NCOA1: variants seen among roughly 807,000 people sequenced by gnomAD.
NCOA1 encodes the protein Hin-2 protein.
NCOA1 carries 35 observed loss-of-function variants against 150.9 expected under a neutral mutation model. That is an observed-to-expected ratio of 0.23 (90% confidence interval 0.18 to 0.31). The LOEUF (loss-of-function observed/expected upper bound fraction) is 0.31, where lower values mean the gene tolerates loss of function less well. NCOA1 is among the 10% of genes least tolerant of loss of function. The pLI is 1.00. For missense variants in NCOA1, 1,491 were observed against 1,749.3 expected (o/e 0.85, Z 2.63); for synonymous variants, 590 against 630.0 (o/e 0.94, Z 0.95).
chr2:24,580,277 GT>G (rs1188286096), intron 2 of NCOA1, among the ~76,000 whole-genome samples: 1 of 152,134 alleles, frequency 6.6e-6, no homozygotes, highest in East Asian at 1.9e-4. Context: ...AAATTTATGT[GT>G]TTTGCCAAAC....
chr2:24,524,335 G>A (rs1042179438), intron 1 of NCOA1, among the ~76,000 whole-genome samples: 97 of 151,878 alleles, frequency 6.4e-4, no homozygotes, highest in African/African-American at 2.1e-3. Context: ...GCACTCTGTC[G>A]CCCAGGCTGG....
chr2:24,571,969 G>C (rs996135448), intron 2 of NCOA1, among the ~76,000 whole-genome samples: 1 of 152,024 alleles, frequency 6.6e-6, no homozygotes, highest in Non-Finnish European at 1.5e-5. Flanking sequence ...GTGATACTTA[G>C]ATAAAATTAC....
At chr2:24,619,107 C>T (rs1669005129) in intron 3 of NCOA1, among the ~76,000 whole-genome samples, 1 of 152,172 alleles carries the variant, frequency 6.6e-6, no homozygotes, top group Non-Finnish European at 1.5e-5. Flanking sequence ...CAACAATTAA[C>T]AGGACGTTTC....
At chr2:24,732,834 CTG>C (rs1295458348) in intron 17 of NCOA1, among the ~76,000 whole-genome samples, 1 of 151,782 alleles carries the variant, frequency 6.6e-6, no homozygotes, top group Middle Eastern at 3.2e-3. Flanking sequence ...AGAAAAGGGA[CTG>C]TTTCTTTCCT....
Position 24,705,195 on chromosome 2 carries a change from C to T in NCOA1, c.1059C>T (p.Asp353=). 1 of 1,613,990 alleles carries T rather than the reference C, an allele frequency of 6.2e-7. No homozygotes were observed. Residue 353 remains aspartate, a synonymous_variant, in exon 12 of 23, where the codon GAC becomes GAT. Coordinates refer to ENST00000348332, the MANE Select transcript of NCOA1 (RefSeq NM_003743.5). ...KCKLCYPQSP[D]MQPFIMGIHI... is the part of the protein sequence containing the mutation. ...AACTTTGCTACCCTCAAAGTCCAGA[C>T]ATGCAACCTTTCATCATGGGAATTC...
chr2:24,556,259 T>C (rs1011043577), intron 1 of NCOA1, among the ~76,000 whole-genome samples: 1 of 152,252 alleles, frequency 6.6e-6, no homozygotes, highest in African/African-American at 2.4e-5. Flanking sequence ...TTTGGTTTTC[T>C]GTTCTTGCGT....
At chr2:24,703,886 C>A (rs550779202) in intron 11 of NCOA1, among the ~76,000 whole-genome samples, 1 of 152,124 alleles carries the variant, frequency 6.6e-6, no homozygotes, top group East Asian at 1.9e-4. Flanking sequence ...TTATCACAGG[C>A]TAAATTATAA....
chr2:24,659,724 A>G (rs891626640), intron 5 of NCOA1, among the ~76,000 whole-genome samples: 3 of 152,116 alleles, frequency 2.0e-5, no homozygotes, highest in Non-Finnish European at 2.9e-5. Flanking sequence ...ACTCCACACT[A>G]TTGACATTTC....
At chr2:24,582,098 C>G (rs983163223) in intron 2 of NCOA1, among the ~76,000 whole-genome samples, 1 of 152,104 alleles carries the variant, frequency 6.6e-6, no homozygotes, top group Non-Finnish European at 1.5e-5. Context: ...TACTGGAAGT[C>G]TTAGCCAGAG....
intron 2 of NCOA1, among the ~76,000 whole-genome samples, chr2:24,574,263 T>C (rs1362057713): frequency 6.6e-6 from 1 of 152,110 alleles, no homozygotes; most frequent in Non-Finnish European, 1.5e-5. Context: ...CCCAAGCTGA[T>C]TTAAGAAAAG....
intron 2 of NCOA1, among the ~76,000 whole-genome samples, chr2:24,565,080 T>C (rs1233490798): frequency 6.6e-6 from 1 of 152,218 alleles, no homozygotes; most frequent in Non-Finnish European, 1.5e-5. Context: ...TGGGATCTAA[T>C]GAATTACTTG....
chr2:24,517,025 CA>C (rs1221213186), intron 1 of NCOA1, among the ~76,000 whole-genome samples: 15 of 66,754 alleles, frequency 2.2e-4, no homozygotes, highest in Admixed American at 7.0e-4. Context: ...CACACACACA[CA>C]CACCCCATTT....
At chr2:24,596,689 T>G (rs983484069) in intron 3 of NCOA1, among the ~76,000 whole-genome samples, 1 of 152,174 alleles carries the variant, frequency 6.6e-6, no homozygotes, top group African/African-American at 2.4e-5. Context: ...CTACAACAAA[T>G]TAATTGAGAG....
chr2:24,571,375 A>T (rs1455776143), intron 2 of NCOA1, among the ~76,000 whole-genome samples: 6 of 152,240 alleles, frequency 3.9e-5, no homozygotes, highest in Non-Finnish European at 8.8e-5. Flanking sequence ...TGTACTATAT[A>T]GAAAATCCTA....
intron 3 of NCOA1, among the ~76,000 whole-genome samples, chr2:24,616,061 T>C (rs533205802): frequency 6.6e-6 from 1 of 152,250 alleles, no homozygotes; most frequent in Non-Finnish European, 1.5e-5. Flanking sequence ...TATGTAATAC[T>C]GAATTTTCTA....
chr2:24,572,990 C>A (rs1227294600), intron 2 of NCOA1, among the ~76,000 whole-genome samples: 2 of 152,100 alleles, frequency 1.3e-5, no homozygotes, highest in Admixed American at 1.3e-4. Context: ...AAATGAAATG[C>A]TTTCCAATGA....
At chr2:24,660,605 A>T (rs988437945) in intron 5 of NCOA1, among the ~76,000 whole-genome samples, 16 of 152,126 alleles carry the variant, frequency 1.1e-4, no homozygotes, top group African/African-American at 3.4e-4. Flanking sequence ...ATTCAGTCCC[A>T]TTAACTTTTG....
At chr2:24,578,563 G>A (rs1474492625) in intron 2 of NCOA1, among the ~76,000 whole-genome samples, 4 of 152,068 alleles carry the variant, frequency 2.6e-5, no homozygotes, top group Admixed American at 6.6e-5. Flanking sequence ...AGCTCTTAAG[G>A]AAAAGAGTTC....
At chr2:24,537,476 A>ATGTGTG (rs777334204) in intron 1 of NCOA1, among the ~76,000 whole-genome samples, 1 of 150,148 alleles carries the variant, frequency 6.7e-6, no homozygotes, top group African/African-American at 2.4e-5. Flanking sequence ...TATATATAAT[A>ATGTGTG]TATGTATGTG....
Sources: gnomAD v4.1 joint callset for allele counts (sites outside exome capture counted in the v4.1 genomes callset) on GRCh38, gnomAD v4.1.1 for gene constraint, MANE v1.5 for transcripts, NCBI Gene and HGNC (gene_info 2026-07-23, HGNC 2026-07-21) for gene names.